The following SLFN11 variants were observed in gnomAD, a reference collection of about 807,000 sequenced individuals.
The protein encoded by SLFN11 is schlafen family member 11.
A neutral mutation model predicts 53.4 loss-of-function variants in SLFN11; 43 were observed. The observed-to-expected ratio is 0.80, with a 90% CI of 0.63 to 1.04. SLFN11 has a LOEUF of 1.04. SLFN11 is among the 50% of genes least tolerant of loss of function. The pLI is 0.00. For synonymous variants in SLFN11, 389 were observed against 394.7 expected, an observed-to-expected ratio of 0.99 and a Z score of 0.17; for missense variants, 990 against 1,079.1, an observed-to-expected ratio of 0.92 and a Z score of 1.16.
rs1052222499 is a variant in SLFN11, at chr17:35,351,806, C to G, written c.*550G>C. On this transcript the variant is annotated 3_prime_UTR_variant, in exon 7 of 7. Coordinates refer to ENST00000685675, the MANE Select transcript of SLFN11 (RefSeq NM_001376007.1). Reference sequence around the variant, plus strand: ...ATCATAACGGTATTCTTTGTCCTGACAAAATTATTAATCTGACAGTGACTG... The same window carrying G: ...ATCATAACGGTATTCTTTGTCCTGAGAAAATTATTAATCTGACAGTGACTG... 3.9e-5 allele frequency: 6 copies of G among 153,562 alleles called. No homozygotes were observed. Among genetic ancestry groups the G allele is most frequent in the African/African-American group, 1.4e-4 (6 of 41,432 alleles). The allele number at this position is 153,562 out of a possible 1,614,324, so 9.5% of individuals were successfully genotyped here.
At position 35,352,595 on chromosome 17, in the gene SLFN11, T is replaced by G. The variant is rs768263984; in HGVS notation, c.2467A>C (p.Lys823Gln). The change falls in exon 7 of 7, where the codon AAG (lysine) becomes CAG (glutamine). Residue 823 changes from lysine (K) to glutamine (Q), a missense_variant. This residue lies in a region of SLFN11 where 313 missense variants were observed against 320.9 expected (regional missense o/e 0.98). Transcript: ENST00000685675. The part of the protein sequence containing the change: ...VSTAKEVEHY[K>Q]YELLKAMRKK... ...CTCATTGCTTTCAAGAGCTCATACT[T>G]ATAGTGCTCCACTTCTTTTGCGGTG... 56 of 1,614,150 alleles carry G rather than the reference T, an allele frequency of 3.5e-5. No individual in the cohort carries two copies. In the African/African-American group the frequency reaches 7.3e-4, roughly 21 times the overall value.
At chr17:35,355,552 T>C (rs1416537465) in intron 5 of SLFN11, among the ~76,000 whole-genome samples, 1 of 152,136 alleles carries the variant, frequency 6.6e-6, no homozygotes. Flanking sequence ...GCCTGATAAA[T>C]GGTAAAAGTC....
At chr17:35,354,489 C>G (rs888082975) in intron 5 of SLFN11, among the ~76,000 whole-genome samples, 27 of 152,174 alleles carry the variant, frequency 1.8e-4, no homozygotes, top group African/African-American at 6.3e-4. Flanking sequence ...GGAGCCCCCC[C>G]TCCTCCACTG....
chr17:35,359,633 G>T (rs568636855), intron 5 of SLFN11, among the ~76,000 whole-genome samples: 1 of 152,260 alleles, frequency 6.6e-6, no homozygotes, highest in South Asian at 2.1e-4. Context: ...GTGCTGCTAC[G>T]TGATTGTCCT....
chr17:35,364,223 G>A (rs979973750), intron 3 of SLFN11, among the ~76,000 whole-genome samples: 2 of 152,080 alleles, frequency 1.3e-5, no homozygotes, highest in African/African-American at 4.8e-5. Context: ...CTCAGTTTAG[G>A]TTGTTGATGT....
chr17:35,359,040 AT>A (rs1344421321), intron 5 of SLFN11, among the ~76,000 whole-genome samples: 2 of 152,088 alleles, frequency 1.3e-5, no homozygotes, highest in Non-Finnish European at 2.9e-5. Flanking sequence ...AGACTTGGGA[AT>A]TTGTGTTATT....
chr17:35,354,469 G>T (rs549210960), intron 5 of SLFN11, among the ~76,000 whole-genome samples: 1 of 152,290 alleles, frequency 6.6e-6, no homozygotes, highest in African/African-American at 2.4e-5. Flanking sequence ...CCCCATTGCT[G>T]GGAGTAGCAG....
intron 1 of SLFN11, among the ~76,000 whole-genome samples, chr17:35,369,419 T>C (rs1451455877): frequency 1.3e-5 from 2 of 152,196 alleles, no homozygotes; most frequent in South Asian, 2.1e-4. Context: ...TGTCTCATGA[T>C]TTGAGGGCCA....
intron 1 of SLFN11, among the ~76,000 whole-genome samples, chr17:35,371,381 T>A (rs1371169408): frequency 6.6e-6 from 1 of 152,098 alleles, no homozygotes; most frequent in Non-Finnish European, 1.5e-5. Flanking sequence ...CAAGTAAACA[T>A]TGGGTAAGAT....
chr17:35,353,303 T>C lies in SLFN11; in HGVS notation c.1922+33A>G, dbSNP rs1394498739. On this transcript the variant is annotated intron_variant, in intron 6 of 6. Transcript: ENST00000685675. ...CAGAAAAAATTAAACCCAGATTAAA[T>C]AATACTTAGAGACGTAAGATCCAAC... 2.5e-6 allele frequency: 4 copies of C among 1,613,396 alleles called. No homozygotes were observed. The East Asian group carries it at 6.7e-5, about 27-fold the overall frequency.
At position 35,363,656 on chromosome 17, in the gene SLFN11, C is replaced by A. The variant is rs749172838; in HGVS notation, c.152G>T (p.Cys51Phe). The A allele has an allele frequency of 6.2e-7, 1 of 1,613,908 alleles. No individual in the cohort carries two copies. The highest frequency in any genetic ancestry group is 1.3e-5 in the African/African-American group (1 of 75,030). Residue 51 changes from cysteine to phenylalanine, a missense_variant, in exon 4 of 7, where the codon TGT (cysteine) becomes TTT (phenylalanine). Physicochemically the swap from Cys to Phe is radical, Grantham distance 205. Around this residue, in one of 3 missense-constraint regions of SLFN11, gnomAD observed 521 missense variants for 516.2 expected, o/e 1.01. Transcript: ENST00000685675. The stretch of plus-strand genomic sequence containing the variant: ...TCCTCCTCCTGAGTTTAATAAAGCA[C>A]ATGCAGCCCGCATAACTCTCTCCTT... ...QEKERVMRAA[C>F]ALLNSGGGVI...
At chr17:35,366,277 A>G (rs1255386731) in intron 3 of SLFN11, among the ~76,000 whole-genome samples, 1 of 152,154 alleles carries the variant, frequency 6.6e-6, no homozygotes, top group African/African-American at 2.4e-5. Flanking sequence ...GGGAAATAAT[A>G]AAGAAGGAGC....
At chr17:35,365,577 G>C (rs1476106665) in intron 3 of SLFN11, among the ~76,000 whole-genome samples, 1 of 152,080 alleles carries the variant, frequency 6.6e-6, no homozygotes, top group Non-Finnish European at 1.5e-5. Flanking sequence ...TTATAGGCAT[G>C]AGCCACAATG....
chr17:35,368,902 G>A (rs1428149857), intron 1 of SLFN11, among the ~76,000 whole-genome samples: 2 of 152,090 alleles, frequency 1.3e-5, no homozygotes, highest in Admixed American at 6.6e-5. Context: ...GGCCAGAAGA[G>A]AAACTGCTGC....
At position 35,352,294 on chromosome 17, in the gene SLFN11, T is replaced by G. The variant is rs374644493; in HGVS notation, c.*62A>C. 6.4e-7 allele frequency: 1 copy of G among 1,571,104 alleles called. No homozygotes were observed. Among genetic ancestry groups the G allele is most frequent in the Non-Finnish European group, 8.7e-7 (1 of 1,153,584 alleles). ...TGACTTGTGAACTAAAAAGAAAGGTTTCTACCATCAGCAGACTGTCACCCA... is the reference window on the plus strand; with the variant it reads ...TGACTTGTGAACTAAAAAGAAAGGTGTCTACCATCAGCAGACTGTCACCCA... On this transcript the variant is annotated 3_prime_UTR_variant, in exon 7 of 7. Coordinates refer to ENST00000685675, the MANE Select transcript of SLFN11 (RefSeq NM_001376007.1).
rs537748244 is a variant in SLFN11, at chr17:35,351,079, C to T, written c.*1277G>A. ...AAGCTGAAACAACAGAAATTTGTTT[C>T]TCACAGTCTGGAGGCTGGAAGTCCA... On this transcript the variant is annotated 3_prime_UTR_variant, in exon 7 of 7. Transcript: ENST00000685675. The T allele has an allele frequency of 1.4e-4, 22 of 152,336 alleles. No individual in the cohort carries two copies. Among genetic ancestry groups the T allele is most frequent in the African/African-American group, 4.8e-4 (20 of 41,572 alleles). 9.4% of individuals were successfully genotyped at this position (152,336 alleles called of 1,614,324 possible). A position where few individuals can be genotyped will look rare whatever the true frequency, so the allele number is the denominator to read the frequency against.
chr17:35,370,864 G>T (rs1364332936), intron 1 of SLFN11, among the ~76,000 whole-genome samples: 1 of 152,034 alleles, frequency 6.6e-6, no homozygotes, highest in African/African-American at 2.4e-5. Context: ...TGGATTGGAA[G>T]AATCAATATT....
intron 4 of SLFN11, among the ~76,000 whole-genome samples, chr17:35,360,721 C>T (rs1248803550): frequency 6.6e-6 from 1 of 152,118 alleles, no homozygotes; most frequent in Non-Finnish European, 1.5e-5. Flanking sequence ...ATCCCCTCTC[C>T]AACTGCCACC....
At chr17:35,357,543 T>C (rs1410254448) in intron 5 of SLFN11, among the ~76,000 whole-genome samples, 1 of 151,406 alleles carries the variant, frequency 6.6e-6, no homozygotes, top group East Asian at 1.9e-4. Context: ...GCCACCAAGT[T>C]ACCCTATGTA....
Sources: allele counts gnomAD v4.1 joint callset (sites outside exome capture counted in the v4.1 genomes callset), GRCh38; gene constraint gnomAD v4.1.1; regional missense constraint gnomAD v4.1.1; transcripts MANE v1.5; gene names NCBI Gene and HGNC (gene_info 2026-07-23, HGNC 2026-07-21).